Variants in MYO1D observed in about 807,000 individuals in gnomAD.
MYO1D encodes the protein unconventional myosin-Id.
A neutral mutation model predicts 122.0 loss-of-function variants in MYO1D; 83 were observed. The observed-to-expected ratio is 0.68, with a 90% CI of 0.57 to 0.82. MYO1D has a LOEUF of 0.82. MYO1D is among the 40% of genes least tolerant of loss of function. The probability of loss-of-function intolerance (pLI) is 0.00; values close to 1 mark genes in which losing one functional copy is unlikely to be tolerated. For synonymous variants in MYO1D, 464 were observed against 446.9 expected (o/e 1.04, Z -0.48); for missense variants, 1,157 against 1,269.5 (o/e 0.91, Z 1.35).
chr17:32,727,036 A>T (rs963029561), intron 14 of MYO1D, among the ~76,000 whole-genome samples: 18 of 152,198 alleles, frequency 1.2e-4, no homozygotes, highest in Non-Finnish European at 2.6e-4. Context: ...TAAATCTTCC[A>T]AAATAATAAA....
chr17:32,718,815 C>T (rs150075264), intron 15 of MYO1D, among the ~76,000 whole-genome samples: 9 of 152,298 alleles, frequency 5.9e-5, no homozygotes, highest in Non-Finnish European at 1.2e-4. Flanking sequence ...TCATGCCAGA[C>T]CACAAATCTA....
chr17:32,874,538 G>A (rs1265923900), intron 1 of MYO1D, among the ~76,000 whole-genome samples: 5 of 152,128 alleles, frequency 3.3e-5, no homozygotes, highest in African/African-American at 1.2e-4. Context: ...TCATTGAGAT[G>A]TCACCTCTTC....
At chr17:32,732,219 T>A (rs1489040311) in intron 14 of MYO1D, among the ~76,000 whole-genome samples, 1 of 152,160 alleles carries the variant, frequency 6.6e-6, no homozygotes, top group Non-Finnish European at 1.5e-5. Context: ...GATGGCAGGT[T>A]AATGGTGGCA....
Position 32,780,905 on chromosome 17 carries a change from C to A in MYO1D, c.96-121G>T, listed in dbSNP as rs1028260418. 4.2e-6 allele frequency: 4 copies of A among 955,740 alleles called. No homozygotes were observed. In the Admixed American group the frequency reaches 8.8e-5, roughly 21 times the overall value. The allele number at this position is 955,740 out of a possible 1,614,324, so 59.2% of individuals were successfully genotyped here. A position where few individuals can be genotyped will look rare whatever the true frequency, so the allele number is the denominator to read the frequency against. On this transcript the variant is annotated intron_variant, in intron 1 of 21. Coordinates refer to ENST00000318217, the MANE Select transcript of MYO1D (RefSeq NM_015194.3). ...ATCCTAGGAATGATTTCTGAACTGA[C>A]GTTTCATTGGCTCTGAGTTAACTTG...
chr17:32,771,144 T>C lies in MYO1D; in HGVS notation c.695A>G (p.His232Arg), dbSNP rs555736249. ...TCTCACCTTTAATTGAGCTCCCACATGAATATAGTTGTAGGATGAAAGGGA... is the reference window on the plus strand; with the variant it reads ...TCTCACCTTTAATTGAGCTCCCACACGAATATAGTTGTAGGATGAAAGGGA... The part of the protein sequence containing the change: ...QKSLSSYNYI[H>R]VGAQLKSSIN... Residue 232 changes from histidine (H) to arginine (R), a missense_variant, in exon 6 of 22, where the codon CAT becomes CGT. Physicochemically the swap from His to Arg is conservative, Grantham distance 29. Coordinates refer to ENST00000318217, the MANE Select transcript of MYO1D (RefSeq NM_015194.3). 6.2e-6 allele frequency: 10 copies of C among 1,606,742 alleles called. No homozygotes were observed. The South Asian group carries it at 9.9e-5, about 16-fold the overall frequency.
Position 32,654,515 on chromosome 17 carries a change from C to G in MYO1D, c.2452G>C (p.Gly818Arg), listed in dbSNP as rs760264227. 6.2e-7 allele frequency: 1 copy of G among 1,613,994 alleles called. No homozygotes were observed. The highest frequency in any genetic ancestry group is 8.5e-7 in the Non-Finnish European group (1 of 1,179,954). The change falls in exon 18 of 22, where the codon GGG (glycine) becomes CGG (arginine). Residue 818 changes from glycine to arginine, a missense_variant. Transcript: ENST00000318217. ...EMLKGQRADL[G>R]LQRAWEGNYL... ...TTGCCCTCCCAGGCCCTCTGGAGCC[C>G]GAGGTCAGCCCTTTGACCCTTCAAC...
chr17:32,868,784 A>G (rs1446919647), intron 1 of MYO1D, among the ~76,000 whole-genome samples: 1 of 152,190 alleles, frequency 6.6e-6, no homozygotes, highest in Non-Finnish European at 1.5e-5. Context: ...GCTCAGCTGA[A>G]GCTGAGATTT....
intron 14 of MYO1D, among the ~76,000 whole-genome samples, chr17:32,729,470 T>A (rs2089611947): frequency 2.6e-5 from 4 of 152,174 alleles, no homozygotes; most frequent in Admixed American, 2.6e-4. Context: ...GGACGTCTAC[T>A]TCTGGTAATG....
At chr17:32,687,359 G>A (rs2150971423) in intron 16 of MYO1D, among the ~76,000 whole-genome samples, 1 of 152,180 alleles carries the variant, frequency 6.6e-6, no homozygotes, top group African/African-American at 2.4e-5. Flanking sequence ...ACCACGCCCG[G>A]CTAATTTTTT....
chr17:32,624,851 C>T (rs1438246178), intron 20 of MYO1D, among the ~76,000 whole-genome samples: 2 of 150,270 alleles, frequency 1.3e-5, no homozygotes, highest in East Asian at 2.0e-4. Flanking sequence ...TATGCAATGG[C>T]GCGATCTTGG....
At chr17:32,833,568 C>T (rs1391922950) in intron 1 of MYO1D, among the ~76,000 whole-genome samples, 2 of 152,154 alleles carry the variant, frequency 1.3e-5, no homozygotes, top group Admixed American at 6.5e-5. Flanking sequence ...CCAATGGCAC[C>T]CCAGCTCCAA....
At chr17:32,671,802 A>G (rs1375059481) in intron 16 of MYO1D, among the ~76,000 whole-genome samples, 1 of 152,228 alleles carries the variant, frequency 6.6e-6, no homozygotes, top group Non-Finnish European at 1.5e-5. Flanking sequence ...ACTGAGTTAT[A>G]TATAAAGGCT....
chr17:32,755,939 C>T (rs991143209), intron 10 of MYO1D, among the ~76,000 whole-genome samples: 1 of 152,296 alleles, frequency 6.6e-6, no homozygotes, highest in Non-Finnish European at 1.5e-5. Flanking sequence ...CCATTACAAA[C>T]TCATTTTAAT....
chr17:32,596,541 G>A (rs2087494885), intron 21 of MYO1D, among the ~76,000 whole-genome samples: 1 of 152,234 alleles, frequency 6.6e-6, no homozygotes, highest in Non-Finnish European at 1.5e-5. Context: ...TCTCCCCATG[G>A]CTCTAAGTGT....
intron 21 of MYO1D, among the ~76,000 whole-genome samples, chr17:32,528,181 C>T (rs1200124768): frequency 6.6e-6 from 1 of 152,148 alleles, no homozygotes; most frequent in African/African-American, 2.4e-5. Flanking sequence ...TGGGTTCTAC[C>T]CCACTTAAGG....
At chr17:32,698,343 TCCCTCCCTCTCTTCCCCCCTCC>T (rs1437712747) in intron 16 of MYO1D, among the ~76,000 whole-genome samples, 1 of 112,560 alleles carries the variant, frequency 8.9e-6, no homozygotes, top group Admixed American at 1.1e-4. Context: ...CCTTCCTTCC[TCCCTCCCTCTCTTCCCCCCTCC>T]CCCTCCCCCT....
intron 14 of MYO1D, among the ~76,000 whole-genome samples, chr17:32,733,561 A>C (rs1598049602): frequency 6.6e-6 from 1 of 152,196 alleles, no homozygotes; most frequent in East Asian, 1.9e-4. Context: ...TTCACTCTAC[A>C]TGTAGCCCTT....
Position 32,771,213 on chromosome 17 carries a change from T to TG in MYO1D, c.625dup (p.Gln209ProfsTer35). On this transcript the variant is annotated frameshift_variant, in exon 6 of 22. Coordinates refer to ENST00000318217, the MANE Select transcript of MYO1D (RefSeq NM_015194.3). LOFTEE classifies it high-confidence loss of function. ...GCGTAGCATTTGTTCTGAACCTCCTTGGAGTAGCTGAAAAATATTTAATTA... is the reference window on the plus strand; with the variant it reads ...GCGTAGCATTTGTTCTGAACCTCCTTGGGAGTAGCTGAAAAATATTTAATTA... 6.2e-7 allele frequency: 1 copy of TG among 1,601,538 alleles called. No individual in the cohort carries two copies.
intron 16 of MYO1D, among the ~76,000 whole-genome samples, chr17:32,668,147 GTAATT>G (rs2088661859): frequency 6.6e-6 from 1 of 152,160 alleles, no homozygotes; most frequent in South Asian, 2.1e-4. Context: ...TAAAAACTTG[GTAATT>G]CATCTTGAAA....
Sources: allele counts gnomAD v4.1 joint callset (sites outside exome capture counted in the v4.1 genomes callset), GRCh38; gene constraint gnomAD v4.1.1; transcripts MANE v1.5; gene names NCBI Gene and HGNC (gene_info 2026-07-23, HGNC 2026-07-21).